The following NEO1 variants were observed in gnomAD, a reference collection of about 807,000 sequenced individuals.
The protein encoded by NEO1 is neogenin.
In NEO1, 63 loss-of-function variants were observed where a neutral mutation model predicts 159.7. That is an observed-to-expected ratio of 0.39 (90% CI 0.32 to 0.49). NEO1 has a LOEUF of 0.49. Among genes scored for constraint, NEO1 ranks in the 20% least tolerant of loss-of-function variants. The probability of loss-of-function intolerance (pLI) is 0.85; values close to 1 mark genes in which losing one functional copy is unlikely to be tolerated. For synonymous variants in NEO1, 633 were observed against 662.0 expected (o/e 0.96, Z 0.67); for missense variants, 1,615 against 1,831.0 (o/e 0.88, Z 2.15).
At chr15:73,161,706 C>T (rs183562414) in intron 5 of NEO1, 238 of 181,492 alleles carry the variant, frequency 1.3e-3, no homozygotes, top group African/African-American at 5.3e-3. Context: ...AAAAGGACAA[C>T]TGTATATCAA....
intron 5 of NEO1, among the ~76,000 whole-genome samples, chr15:73,161,169 T>C (rs940187408): frequency 2.0e-5 from 3 of 152,188 alleles, no homozygotes; most frequent in African/African-American, 7.2e-5. Flanking sequence ...TCATACTTAG[T>C]CCTCCCTCCA....
Position 73,083,259 on chromosome 15 carries a change from G to A in NEO1, c.130+30454G>A, listed in dbSNP as rs75417321. 9.8e-3 allele frequency among the ~76,000 whole-genome samples: 1,484 copies of A among 152,156 alleles called. 33 individuals are homozygous for A. Among genetic ancestry groups the A allele is most frequent in the African/African-American group, 0.034 (1,410 of 41,498 alleles). On this transcript the variant is annotated intron_variant, in intron 1 of 28. Transcript: ENST00000261908. ...AAAGCAATTGTGGTAGTTGTGGCTT[G>A]GACTAGAGAGTGTAAATGGGCGTGA...
chr15:73,097,612 C>T (rs559493057), intron 1 of NEO1, among the ~76,000 whole-genome samples: 4 of 152,122 alleles, frequency 2.6e-5, no homozygotes, highest in South Asian at 4.2e-4. Flanking sequence ...CTGTCCACCT[C>T]AGCCTCCCAA....
intron 2 of NEO1, among the ~76,000 whole-genome samples, chr15:73,117,251 T>C (rs906162897): frequency 6.6e-6 from 1 of 152,328 alleles, no homozygotes; most frequent in African/African-American, 2.4e-5. Flanking sequence ...TCCTGGTTCC[T>C]TGATGCCTTA....
chr15:73,068,614 C>T (rs1194786942), intron 1 of NEO1, among the ~76,000 whole-genome samples: 5 of 152,058 alleles, frequency 3.3e-5, no homozygotes, highest in Admixed American at 2.6e-4. Flanking sequence ...ATATGCTTGT[C>T]GCTATTCTGT....
At chr15:73,081,309 G>A (rs973403944) in intron 1 of NEO1, among the ~76,000 whole-genome samples, 1 of 150,910 alleles carries the variant, frequency 6.6e-6, no homozygotes, top group Non-Finnish European at 1.5e-5. Context: ...TTTTAAAACT[G>A]CATTTTAATA....
chr15:73,242,173 G>C (rs1395377004), intron 8 of NEO1, among the ~76,000 whole-genome samples: 1 of 152,106 alleles, frequency 6.6e-6, no homozygotes, highest in East Asian at 1.9e-4. Flanking sequence ...AAAGAGACCT[G>C]ATCTGTACTC....
chr15:73,115,671 A>G (rs766511549), intron 1 of NEO1, among the ~76,000 whole-genome samples: 6 of 152,210 alleles, frequency 3.9e-5, no homozygotes, highest in Non-Finnish European at 5.9e-5. Context: ...TTACAAGGGA[A>G]TTGGTCAGAA....
intron 5 of NEO1, among the ~76,000 whole-genome samples, chr15:73,147,410 A>T (rs78763827): frequency 1.3e-5 from 2 of 152,202 alleles, no homozygotes; most frequent in Admixed American, 6.5e-5. Context: ...GCCATCCATC[A>T]GATGGCACCA....
chr15:73,208,285 CA>C, intron 7 of NEO1, among the ~76,000 whole-genome samples: 1 of 152,300 alleles, frequency 6.6e-6, no homozygotes, highest in Non-Finnish European at 1.5e-5. Flanking sequence ...AAATAAGTGA[CA>C]TGTCAGACAT....
chr15:73,261,975 A>G (rs1441033391), intron 15 of NEO1, among the ~76,000 whole-genome samples: 2 of 152,216 alleles, frequency 1.3e-5, no homozygotes, highest in East Asian at 1.9e-4. Flanking sequence ...CCATATGTAT[A>G]TAGTCAGTTG....
At chr15:73,060,037 TAA>T (rs35245604) in intron 1 of NEO1, among the ~76,000 whole-genome samples, 1 of 147,830 alleles carries the variant, frequency 6.8e-6, no homozygotes. Flanking sequence ...GCTGTAGTGG[TAA>T]AAAAAAAAAT....
Position 73,093,551 on chromosome 15 carries a change from G to T in NEO1, c.131-22989G>T, listed in dbSNP as rs534884878. On this transcript the variant is annotated intron_variant, in intron 1 of 28. Coordinates refer to ENST00000261908, the MANE Select transcript of NEO1 (RefSeq NM_002499.4). ...TTATTTTGTTGCTTAAATTGTTTCAGCTTTGACCATGGGAAGTTCCTTTTT... is the reference window on the plus strand; with the variant it reads ...TTATTTTGTTGCTTAAATTGTTTCATCTTTGACCATGGGAAGTTCCTTTTT... Among the ~76,000 whole-genome samples, 4 of 148,806 alleles carry T rather than the reference G, an allele frequency of 2.7e-5. No homozygotes were observed. In the South Asian group the frequency reaches 8.4e-4, roughly 31 times the overall value.
chr15:73,069,125 A>ATTT (rs962027800), intron 1 of NEO1, among the ~76,000 whole-genome samples: 2,417 of 105,340 alleles, frequency 0.023, 147 homozygotes, highest in East Asian at 0.21. Flanking sequence ...TAATTTTTGT[A>ATTT]TTTTTTTTTT....
Position 73,126,399 on chromosome 15 carries a change from A to T in NEO1, c.725-18A>T. 1 of 1,514,898 alleles carries T rather than the reference A, an allele frequency of 6.6e-7. No individual in the cohort carries two copies. Among genetic ancestry groups the T allele is most frequent in the African/African-American group, 1.4e-5 (1 of 71,332 alleles). The allele number at this position is 1,514,898 out of a possible 1,614,324, so 93.8% of individuals were successfully genotyped here. A position where few individuals can be genotyped will look rare whatever the true frequency, so the allele number is the denominator to read the frequency against. ...TTGTCCTTTAATTATTGTCTTTGTT[A>T]ATTTTTTTTTTTTTTAGATCCTGAG... On this transcript the variant is annotated intron_variant, in intron 3 of 28. Transcript: ENST00000261908.
Position 73,149,140 on chromosome 15 carries a change from C to T in NEO1, c.1015+13113C>T, listed in dbSNP as rs535068093. On this transcript the variant is annotated intron_variant, in intron 5 of 28. Coordinates refer to ENST00000261908, the MANE Select transcript of NEO1 (RefSeq NM_002499.4). ...GACCATCCTGGCCAACATGGTGCAACCCCGTCTCTACCAAAAATACAAAAA... is the reference window on the plus strand; with the variant it reads ...GACCATCCTGGCCAACATGGTGCAATCCCGTCTCTACCAAAAATACAAAAA... Among the ~76,000 whole-genome samples, 3 of 152,094 alleles carry T rather than the reference C, an allele frequency of 2.0e-5. No homozygotes were observed. In the South Asian group the frequency reaches 6.2e-4, roughly 32 times the overall value.
intron 7 of NEO1, among the ~76,000 whole-genome samples, chr15:73,200,195 TATTG>T (rs1421817910): frequency 6.6e-6 from 1 of 152,184 alleles, no homozygotes; most frequent in Admixed American, 6.5e-5. Context: ...GATCTTTAAT[TATTG>T]ATTAAGTTTG....
At chr15:73,218,619 A>G (rs1320317697) in intron 7 of NEO1, among the ~76,000 whole-genome samples, 2 of 151,826 alleles carry the variant, frequency 1.3e-5, no homozygotes, top group South Asian at 2.1e-4. Context: ...TTATTGGTCT[A>G]TTCAGAGATT....
chr15:73,172,486 T>C (rs2035036194), intron 5 of NEO1, among the ~76,000 whole-genome samples: 1 of 152,202 alleles, frequency 6.6e-6, no homozygotes, highest in Non-Finnish European at 1.5e-5. Flanking sequence ...TTAGTGTACT[T>C]AGGAATAGTC....
Sources: gnomAD v4.1 joint callset for allele counts (sites outside exome capture counted in the v4.1 genomes callset) on GRCh38, gnomAD v4.1.1 for gene constraint, MANE v1.5 for transcripts, NCBI Gene and HGNC (gene_info 2026-07-23, HGNC 2026-07-21) for gene names.